RBFOX1: variants seen among roughly 807,000 people sequenced by gnomAD.
RBFOX1 encodes RNA binding protein fox-1 homolog 1.
A neutral mutation model predicts 57.7 loss-of-function variants in RBFOX1; 8 were observed. The observed-to-expected ratio is 0.14, with a 90% CI of 0.08 to 0.25. RBFOX1 has a LOEUF of 0.25. Ranked by LOEUF, RBFOX1 falls within the 10% of genes least tolerant of loss-of-function variation. The probability of loss-of-function intolerance (pLI) is 1.00; values close to 1 mark genes in which losing one functional copy is unlikely to be tolerated. For missense variants in RBFOX1, 611 were observed against 548.5 expected, an observed-to-expected ratio of 1.11 and a Z score of -1.14; for synonymous variants, 326 against 222.4, an observed-to-expected ratio of 1.47 and a Z score of -4.15.
chr16:7,671,245 G>A (rs912538421), intron 13 of RBFOX1, among the ~76,000 whole-genome samples: 8 of 152,196 alleles, frequency 5.3e-5, no homozygotes, highest in African/African-American at 1.4e-4. Context: ...AATTTGGACT[G>A]TTGGAATATG....
At chr16:7,538,847 GCACCCC>G (rs2082171934) in intron 5 of RBFOX1, among the ~76,000 whole-genome samples, 1 of 75,010 alleles carries the variant, frequency 1.3e-5, no homozygotes, top group African/African-American at 5.3e-5. Context: ...CTCCTCCCCC[GCACCCC>G]CACCCCCACC....
chr16:7,383,744 C>G (rs2097825986), intron 4 of RBFOX1, among the ~76,000 whole-genome samples: 2 of 152,122 alleles, frequency 1.3e-5, no homozygotes, highest in Non-Finnish European at 2.9e-5. Context: ...CAAGTTACAT[C>G]ATACAAAGTA....
At chr16:6,384,133 G>C (rs868488199) in intron 2 of RBFOX1, among the ~76,000 whole-genome samples, 1 of 149,392 alleles carries the variant, frequency 6.7e-6, no homozygotes, top group Admixed American at 6.7e-5. Flanking sequence ...ATTGGCGCTT[G>C]GTTGAAAGGT....
At chr16:6,603,057 T>G (rs1372942863) in intron 2 of RBFOX1, among the ~76,000 whole-genome samples, 3 of 152,234 alleles carry the variant, frequency 2.0e-5, no homozygotes, top group Non-Finnish European at 4.4e-5. Context: ...CATTGTCTAC[T>G]CTTCATCCTA....
At chr16:6,701,851 C>G (rs1165716187) in intron 3 of RBFOX1, among the ~76,000 whole-genome samples, 1 of 152,076 alleles carries the variant, frequency 6.6e-6, no homozygotes, top group African/African-American at 2.4e-5. Context: ...AACATAGGAA[C>G]AGAAAAGCAA....
At chr16:7,018,485 C>T (rs1319260372) in intron 3 of RBFOX1, among the ~76,000 whole-genome samples, 1 of 152,136 alleles carries the variant, frequency 6.6e-6, no homozygotes, top group African/African-American at 2.4e-5. Context: ...CATTGATGGA[C>T]ATTTGGATTG....
chr16:6,057,383 T>C (rs901015354), intron 1 of RBFOX1, among the ~76,000 whole-genome samples: 3 of 152,094 alleles, frequency 2.0e-5, no homozygotes, highest in Non-Finnish European at 2.9e-5. Context: ...TCTAATCCTA[T>C]TCTAATATCA....
rs565396135 is a variant in RBFOX1, at chr16:6,048,428, G to A, written c.-127+28436G>A. On this transcript the variant is annotated intron_variant, in intron 1 of 15. Transcript: ENST00000550418. The stretch of plus-strand genomic sequence containing the variant: ...AACCTTCCAAATTGTGATTTCTCCT[G>A]TTCTGCCCCTGAAACTTCATTATTT... 7.9e-5 allele frequency among the ~76,000 whole-genome samples: 12 copies of A among 152,270 alleles called. No homozygotes were observed. In the East Asian group the frequency reaches 2.3e-3, roughly 29 times the overall value.
chr16:7,630,314 C>G (rs2060742582), intron 10 of RBFOX1, among the ~76,000 whole-genome samples: 1 of 152,014 alleles, frequency 6.6e-6, no homozygotes, highest in Non-Finnish European at 1.5e-5. Flanking sequence ...GTATGCCACG[C>G]TGCTTCCATT....
chr16:6,563,856 G>A (rs2097218481), intron 2 of RBFOX1, among the ~76,000 whole-genome samples: 1 of 151,836 alleles, frequency 6.6e-6, no homozygotes, highest in Non-Finnish European at 1.5e-5. Flanking sequence ...ATGTGTGTGT[G>A]TGTGTGTATG....
chr16:7,274,964 G>T (rs981619955), intron 4 of RBFOX1, among the ~76,000 whole-genome samples: 16 of 152,122 alleles, frequency 1.1e-4, no homozygotes, highest in Admixed American at 9.8e-4. Flanking sequence ...AATTAGAGGT[G>T]TGAGTCACTG....
chr16:7,188,949 C>T (rs575479444), intron 4 of RBFOX1, among the ~76,000 whole-genome samples: 1 of 152,020 alleles, frequency 6.6e-6, no homozygotes, highest in Non-Finnish European at 1.5e-5. Context: ...ATAATTGCAG[C>T]CTGGGTAGCT....
At chr16:6,776,305 G>A (rs1324994062) in intron 3 of RBFOX1, among the ~76,000 whole-genome samples, 1 of 152,076 alleles carries the variant, frequency 6.6e-6, no homozygotes, top group Admixed American at 6.5e-5. Context: ...CAGCTACTCG[G>A]GGGGCTGAGG....
At chr16:6,204,272 C>G (rs976232349) in intron 1 of RBFOX1, among the ~76,000 whole-genome samples, 1 of 152,034 alleles carries the variant, frequency 6.6e-6, no homozygotes, top group Non-Finnish European at 1.5e-5. Flanking sequence ...AATGGGAATA[C>G]AAAATTTGGA....
chr16:6,908,155 A>G lies in RBFOX1; in HGVS notation c.-15-143902A>G, dbSNP rs1046646523. On this transcript the variant is annotated intron_variant, in intron 3 of 15. Coordinates refer to ENST00000550418, the MANE Select transcript of RBFOX1 (RefSeq NM_018723.4). ...GAGGGAAACAATTCAGCTCCTAACA[A>G]TCTACTTCTCTGCATCCCTACATCC... Among the ~76,000 whole-genome samples, 4 of 151,676 alleles carry G rather than the reference A, an allele frequency of 2.6e-5. 1 individual carries two copies. The highest frequency in any genetic ancestry group is 6.6e-5 in the Admixed American group (1 of 15,246).
At chr16:5,870,898 T>G (rs1402237185) in intron 4 of RBFOX1, among the ~76,000 whole-genome samples, 1 of 151,022 alleles carries the variant, frequency 6.6e-6, no homozygotes, top group South Asian at 2.1e-4. Context: ...GACAAACAGT[T>G]GTAATTTAAG....
chr16:5,836,149 G>A (rs191004695), intron 3 of RBFOX1, among the ~76,000 whole-genome samples: 6 of 152,298 alleles, frequency 3.9e-5, no homozygotes, highest in South Asian at 2.1e-4. Context: ...GGGCAGCTCC[G>A]TCTGCTGCTA....
At chr16:6,334,947 C>A (rs930337465) in intron 2 of RBFOX1, among the ~76,000 whole-genome samples, 1 of 152,176 alleles carries the variant, frequency 6.6e-6, no homozygotes, top group African/African-American at 2.4e-5. Context: ...GACCTGGTTT[C>A]ATATTACTGT....
At chr16:6,796,993 A>G (rs2084212724) in intron 3 of RBFOX1, among the ~76,000 whole-genome samples, 2 of 152,180 alleles carry the variant, frequency 1.3e-5, no homozygotes, top group Admixed American at 6.5e-5. Flanking sequence ...AAAACATAAG[A>G]TGCCACGGGC....
Sources: gnomAD v4.1 joint callset for allele counts (sites outside exome capture counted in the v4.1 genomes callset) on GRCh38, gnomAD v4.1.1 for gene constraint, MANE v1.5 for transcripts, NCBI Gene and HGNC (gene_info 2026-07-23, HGNC 2026-07-21) for gene names.